GABRG3: variants seen among roughly 807,000 people sequenced by gnomAD.
The protein encoded by GABRG3 is gamma-aminobutyric acid type A receptor subunit gamma3, also known as gamma-aminobutyric acid receptor subunit gamma-3.
GABRG3 carries 25 observed loss-of-function variants against 48.8 expected under a neutral mutation model. That is an observed-to-expected ratio of 0.51 (90% CI 0.37 to 0.72). The LOEUF (loss-of-function observed/expected upper bound fraction) is 0.72. Ranked by LOEUF, GABRG3 falls within the 30% of genes least tolerant of loss-of-function variation. The pLI is 0.00. For synonymous variants in GABRG3, 227 were observed against 217.6 expected, an observed-to-expected ratio of 1.04 and a Z score of -0.38; for missense variants, 394 against 577.9, an observed-to-expected ratio of 0.68 and a Z score of 3.26.
At chr15:27,073,492 G>A (rs887899244) in intron 3 of GABRG3, among the ~76,000 whole-genome samples, 2 of 152,226 alleles carry the variant, frequency 1.3e-5, no homozygotes, top group Non-Finnish European at 2.9e-5. Flanking sequence ...GCTGCCACCA[G>A]CTGTGACTGG....
Position 27,344,629 on chromosome 15 carries a change from A to C in GABRG3, c.574+15741A>C, listed in dbSNP as rs901744750. On this transcript the variant is annotated intron_variant, in intron 5 of 9. Transcript: ENST00000615808. ...AAAATTAAGAAATTTGCATACCAAC[A>C]TCAAGCATACCAAGCCACAAATTAG... Among the ~76,000 whole-genome samples, 10 of 152,326 alleles carry C rather than the reference A, an allele frequency of 6.6e-5. No homozygotes were observed. In the South Asian group the frequency reaches 1.2e-3, roughly 19 times the overall value.
intron 3 of GABRG3, among the ~76,000 whole-genome samples, chr15:27,232,552 G>A (rs1889831825): frequency 6.6e-6 from 1 of 152,196 alleles, no homozygotes; most frequent in African/African-American, 2.4e-5. Context: ...ATACTTCAGT[G>A]CCTTGGGGTA....
At chr15:26,996,583 A>T (rs1895343880) in intron 2 of GABRG3, among the ~76,000 whole-genome samples, 1 of 151,362 alleles carries the variant, frequency 6.6e-6, no homozygotes, top group East Asian at 1.9e-4. Context: ...TGACCCTTTA[A>T]CCTCCTTCCT....
intron 3 of GABRG3, among the ~76,000 whole-genome samples, chr15:27,285,461 C>T (rs1258476508): frequency 2.6e-5 from 4 of 152,028 alleles, no homozygotes; most frequent in Non-Finnish European, 5.9e-5. Flanking sequence ...AATGTCCCCA[C>T]AAAAATTTTG....
At chr15:27,095,455 G>C (rs1166225551) in intron 3 of GABRG3, among the ~76,000 whole-genome samples, 1 of 152,144 alleles carries the variant, frequency 6.6e-6, no homozygotes, top group East Asian at 1.9e-4. Context: ...TTTCCCTTGT[G>C]TAGGTCTCGG....
At chr15:27,081,414 A>T (rs933535024) in intron 3 of GABRG3, among the ~76,000 whole-genome samples, 3 of 151,542 alleles carry the variant, frequency 2.0e-5, no homozygotes, top group Non-Finnish European at 2.9e-5. Flanking sequence ...CTTTTATTAA[A>T]TATTCATTTG....
Position 27,414,557 on chromosome 15 carries a change from A to G in GABRG3, c.575-66093A>G, listed in dbSNP as rs145763160. 4.3e-4 allele frequency among the ~76,000 whole-genome samples: 66 copies of G among 152,338 alleles called. 1 individual carries two copies. The East Asian group carries it at 6.9e-3, about 16-fold the overall frequency. ...CATTTACAGATGGGGAACTCAAAGG[A>G]AATCCAGGGACTAGGGAGGGCTTGG... On this transcript the variant is annotated intron_variant, in intron 5 of 9. Coordinates refer to ENST00000615808, the MANE Select transcript of GABRG3 (RefSeq NM_033223.5).
intron 3 of GABRG3, among the ~76,000 whole-genome samples, chr15:27,144,991 C>T (rs957544685): frequency 4.0e-4 from 61 of 152,160 alleles, no homozygotes; most frequent in African/African-American, 1.3e-3. Flanking sequence ...AACAAACAAA[C>T]AAATACAGCA....
chr15:27,088,389 C>T lies in GABRG3; in HGVS notation c.270+61568C>T, dbSNP rs1458159145. ...AAGGGTGCGCTATTCAGAGGGCAGG[C>T]GCTCGTGGGAGGCAGGGCTGGGAGT... On this transcript the variant is annotated intron_variant, in intron 3 of 9. Coordinates refer to ENST00000615808, the MANE Select transcript of GABRG3 (RefSeq NM_033223.5). 4.6e-5 allele frequency among the ~76,000 whole-genome samples: 7 copies of T among 152,078 alleles called. No individual in the cohort carries two copies. The East Asian group carries it at 1.4e-3, about 30-fold the overall frequency.
intron 3 of GABRG3, among the ~76,000 whole-genome samples, chr15:27,277,402 A>G (rs889996882): frequency 2.1e-4 from 32 of 152,196 alleles, no homozygotes; most frequent in African/African-American, 6.8e-4. Context: ...GGGTATAGAC[A>G]TTTGAGTACA....
chr15:27,507,860 A>T (rs945353733), intron 6 of GABRG3, among the ~76,000 whole-genome samples: 3 of 152,188 alleles, frequency 2.0e-5, no homozygotes, highest in Admixed American at 6.5e-5. Context: ...GTACATACAC[A>T]TTAAAAATTA....
intron 6 of GABRG3, among the ~76,000 whole-genome samples, chr15:27,495,141 C>T (rs1890452459): frequency 6.6e-6 from 1 of 152,160 alleles, no homozygotes; most frequent in African/African-American, 2.4e-5. Context: ...CCCCCCAACC[C>T]ATGGGAACCA....
intron 3 of GABRG3, among the ~76,000 whole-genome samples, chr15:27,246,876 G>A (rs574602532): frequency 2.6e-5 from 4 of 152,178 alleles, no homozygotes; most frequent in Non-Finnish European, 4.4e-5. Flanking sequence ...GTTAAGTAGC[G>A]TTGTGATTTG....
intron 5 of GABRG3, among the ~76,000 whole-genome samples, chr15:27,418,032 C>T (rs957562474): frequency 1.3e-5 from 2 of 152,198 alleles, no homozygotes; most frequent in Non-Finnish European, 1.5e-5. Context: ...AGGAGATGTG[C>T]CTGAGATGCT....
At chr15:27,085,306 C>A (rs1409161868) in intron 3 of GABRG3, among the ~76,000 whole-genome samples, 1 of 152,162 alleles carries the variant, frequency 6.6e-6, no homozygotes, top group Non-Finnish European at 1.5e-5. Context: ...CTGCCTCATT[C>A]TGATTGAGGC....
chr15:27,084,348 C>T (rs1227383656), intron 3 of GABRG3, among the ~76,000 whole-genome samples: 1 of 152,122 alleles, frequency 6.6e-6, no homozygotes. Context: ...TTTAGAAAGA[C>T]AAAATTCTTA....
intron 3 of GABRG3, among the ~76,000 whole-genome samples, chr15:27,313,272 A>ATATATATATATGTG (rs1485412668): frequency 1.6e-5 from 1 of 61,956 alleles, no homozygotes; most frequent in East Asian, 6.7e-4. Context: ...GTATATATAT[A>ATATATATATATGTG]TATATATATA....
At chr15:27,378,532 A>G (rs1895669651) in intron 5 of GABRG3, among the ~76,000 whole-genome samples, 1 of 152,212 alleles carries the variant, frequency 6.6e-6, no homozygotes, top group African/African-American at 2.4e-5. Context: ...CATTTTTATT[A>G]TAACTGTATG....
chr15:26,981,430 T>C (rs915102651), intron 2 of GABRG3, among the ~76,000 whole-genome samples: 2 of 152,252 alleles, frequency 1.3e-5, no homozygotes, highest in South Asian at 4.1e-4. Context: ...GGATATGGTC[T>C]ATCTTGGCAA....
Sources: allele counts gnomAD v4.1 joint callset (sites outside exome capture counted in the v4.1 genomes callset), GRCh38; gene constraint gnomAD v4.1.1; transcripts MANE v1.5; gene names NCBI Gene and HGNC (gene_info 2026-07-23, HGNC 2026-07-21).